Variants in FAM13A observed in about 807,000 individuals in gnomAD.
FAM13A encodes protein FAM13A.
A neutral mutation model predicts 129.6 loss-of-function variants in FAM13A; 76 were observed. The ratio of observed to expected loss-of-function variants is 0.59; its 90% CI spans 0.49 to 0.71. FAM13A has a LOEUF of 0.71. FAM13A is among the 30% of genes least tolerant of loss of function. The probability of loss-of-function intolerance (pLI) is 0.00; values close to 1 mark genes in which losing one functional copy is unlikely to be tolerated. For synonymous variants in FAM13A, 443 were observed against 449.9 expected, an observed-to-expected ratio of 0.98 and a Z score of 0.20; for missense variants, 1,108 against 1,249.3, an observed-to-expected ratio of 0.89 and a Z score of 1.70.
chr4:88,818,547 T>A (rs550789898), intron 7 of FAM13A, among the ~76,000 whole-genome samples: 1 of 152,342 alleles, frequency 6.6e-6, no homozygotes, highest in Non-Finnish European at 1.5e-5. Flanking sequence ...TTAGTTCATG[T>A]TATCTTCTTT....
In FAM13A at chr4:88,731,376, G is replaced by T. The variant is rs751043687; in HGVS notation, c.2896C>A (p.Arg966=). The change falls in exon 23 of 24, where the codon CGA becomes AGA. Residue 966 remains arginine (R), a synonymous_variant. Transcript: ENST00000264344. ...TCTTCAAAATCCCGAAGTTTCTTTC[G>T]AATCCTTTTCTTTTCTTCTCTCATT... ...QEMREEKKRI[R]KKLRDFEDNF... 2 of 1,608,340 alleles carry T rather than the reference G, an allele frequency of 1.2e-6. No individual in the cohort carries two copies. Among genetic ancestry groups the T allele is most frequent in the Non-Finnish European group, 1.7e-6 (2 of 1,179,590 alleles).
At chr4:88,857,566 T>A (rs1163914013) in intron 6 of FAM13A, among the ~76,000 whole-genome samples, 2 of 149,682 alleles carry the variant, frequency 1.3e-5, no homozygotes, top group African/African-American at 5.0e-5. Flanking sequence ...GAGGCGGAGG[T>A]TGCAGTGAGT....
intron 10 of FAM13A, among the ~76,000 whole-genome samples, chr4:88,782,210 A>C (rs1723092030): frequency 6.6e-6 from 1 of 152,220 alleles, no homozygotes; most frequent in South Asian, 2.1e-4. Flanking sequence ...AATTTAATTC[A>C]TTTGATGTTC....
intron 4 of FAM13A, among the ~76,000 whole-genome samples, chr4:88,943,648 G>A (rs114077570): frequency 0.014 from 2,066 of 152,266 alleles, 53 homozygotes; most frequent in African/African-American, 0.046. Context: ...CAGAAAAGAT[G>A]GGAGGAACTC....
intron 11 of FAM13A, among the ~76,000 whole-genome samples, chr4:88,770,494 A>G (rs1174368303): frequency 6.6e-6 from 1 of 152,234 alleles, no homozygotes. Flanking sequence ...GACGATTTCC[A>G]AAGAACTAAA....
intron 5 of FAM13A, among the ~76,000 whole-genome samples, chr4:88,908,871 G>A (rs143835960): frequency 0.011 from 1,678 of 152,200 alleles, 37 homozygotes; most frequent in African/African-American, 0.038. Flanking sequence ...AGCAAGCAGC[G>A]AGCAAGGGGG....
chr4:88,731,375 C>G lies in FAM13A; in HGVS notation c.2897G>C (p.Arg966Pro). The G allele has an allele frequency of 6.2e-7, 1 of 1,608,574 alleles. No homozygotes were observed. The highest frequency in any genetic ancestry group is 1.1e-5 in the South Asian group (1 of 91,046). The stretch of plus-strand genomic sequence containing the variant: ...GTCTTCAAAATCCCGAAGTTTCTTT[C>G]GAATCCTTTTCTTTTCTTCTCTCAT... The part of the protein sequence containing the change: ...QEMREEKKRI[R>P]KKLRDFEDNF... Residue 966 changes from arginine to proline, a missense_variant, in exon 23 of 24, where the codon CGA (arginine) becomes CCA (proline). Around this residue, in one of 3 missense-constraint regions of FAM13A, gnomAD observed 529 missense variants for 621.2 expected, o/e 0.85. Coordinates refer to ENST00000264344, the MANE Select transcript of FAM13A (RefSeq NM_014883.4).
Position 89,042,087 on chromosome 4 carries a change from A to G in FAM13A, c.28-12438T>C, listed in dbSNP as rs575624288. Reference sequence around the variant, plus strand: ...CAGCACATCTTTGATGGACATATGTATATGTTTGATGAACAAGATGTAAAT... The same window carrying G: ...CAGCACATCTTTGATGGACATATGTGTATGTTTGATGAACAAGATGTAAAT... On this transcript the variant is annotated intron_variant, in intron 1 of 23. Transcript: ENST00000264344. Among the ~76,000 whole-genome samples, 29 of 152,106 alleles carry G rather than the reference A, an allele frequency of 1.9e-4. 1 individual carries two copies. The highest frequency in any genetic ancestry group is 3.5e-4 in the Non-Finnish European group (24 of 67,982).
intron 4 of FAM13A, among the ~76,000 whole-genome samples, chr4:88,966,171 A>G (rs1202480123): frequency 6.6e-6 from 1 of 152,192 alleles, no homozygotes; most frequent in Non-Finnish European, 1.5e-5. Flanking sequence ...TTGAAACTGG[A>G]CTATTTATTA....
chr4:89,055,231 T>A (rs1034939976), intron 1 of FAM13A, among the ~76,000 whole-genome samples: 2 of 152,216 alleles, frequency 1.3e-5, no homozygotes, highest in Non-Finnish European at 1.5e-5. Flanking sequence ...GTTTAAAATT[T>A]TTTTTGTTGT....
intron 4 of FAM13A, among the ~76,000 whole-genome samples, chr4:88,976,119 G>A (rs552260791): frequency 6.6e-5 from 10 of 152,210 alleles, no homozygotes; most frequent in Admixed American, 5.2e-4. Flanking sequence ...GAAAACATGC[G>A]GTTTCATTTT....
At chr4:89,042,498 T>C (rs1770282263) in intron 1 of FAM13A, among the ~76,000 whole-genome samples, 1 of 152,234 alleles carries the variant, frequency 6.6e-6, no homozygotes, top group South Asian at 2.1e-4. Flanking sequence ...AGATATCTTA[T>C]TCGTTACCCT....
intron 3 of FAM13A, among the ~76,000 whole-genome samples, chr4:88,994,089 T>C (rs1258246993): frequency 1.3e-5 from 2 of 152,172 alleles, no homozygotes; most frequent in Non-Finnish European, 2.9e-5. Flanking sequence ...TCTACCTCCT[T>C]CCATTTCCAC....
chr4:88,930,721 G>C (rs909489802), intron 5 of FAM13A, among the ~76,000 whole-genome samples: 2 of 152,144 alleles, frequency 1.3e-5, no homozygotes, highest in African/African-American at 4.8e-5. Flanking sequence ...CTACATGTGT[G>C]AGTGGGCTCT....
chr4:88,885,685 G>T (rs1327220416), intron 6 of FAM13A, among the ~76,000 whole-genome samples: 1 of 151,984 alleles, frequency 6.6e-6, no homozygotes, highest in African/African-American at 2.4e-5. Context: ...AAAAGCTTCT[G>T]CACAGCAAAA....
At chr4:89,007,438 T>C (rs1463128207) in intron 3 of FAM13A, among the ~76,000 whole-genome samples, 1 of 152,154 alleles carries the variant, frequency 6.6e-6, no homozygotes. Flanking sequence ...GTCATCCATG[T>C]GAGTAAGCCA....
intron 3 of FAM13A, among the ~76,000 whole-genome samples, chr4:89,017,724 T>C (rs1181122826): frequency 2.0e-5 from 3 of 152,180 alleles, no homozygotes; most frequent in Non-Finnish European, 2.9e-5. Flanking sequence ...AAAACTTCCC[T>C]TCCCTATGGA....
chr4:88,997,007 A>G (rs766725374), intron 3 of FAM13A, among the ~76,000 whole-genome samples: 3 of 152,198 alleles, frequency 2.0e-5, no homozygotes, highest in Admixed American at 6.5e-5. Flanking sequence ...AGTTGGATGG[A>G]ATATTACTGT....
At chr4:88,955,348 G>T (rs1171149627) in intron 4 of FAM13A, among the ~76,000 whole-genome samples, 2 of 151,958 alleles carry the variant, frequency 1.3e-5, no homozygotes, top group Non-Finnish European at 2.9e-5. Flanking sequence ...CACATAGTCT[G>T]CCATGATTGT....
Sources: allele counts gnomAD v4.1 joint callset (sites outside exome capture counted in the v4.1 genomes callset), GRCh38; gene constraint gnomAD v4.1.1; regional missense constraint gnomAD v4.1.1; transcripts MANE v1.5; gene names NCBI Gene and HGNC (gene_info 2026-07-23, HGNC 2026-07-21).